FBN1: variants seen among roughly 807,000 people sequenced by gnomAD.
FBN1 encodes fibrillin-1.
A neutral mutation model predicts 365.1 loss-of-function variants in FBN1; 29 were observed. The observed-to-expected ratio is 0.08, with a 90% confidence interval of 0.06 to 0.11. The LOEUF (loss-of-function observed/expected upper bound fraction) is 0.11, where lower values mean the gene tolerates loss of function less well. FBN1 is among the 10% of genes least tolerant of loss of function. The pLI, the probability that FBN1 is intolerant of heterozygous loss-of-function variation, is 1.00. For synonymous variants in FBN1, 1,210 were observed against 1,270.5 expected, an observed-to-expected ratio of 0.95 and a Z score of 1.01; for missense variants, 2,476 against 3,703.2, an observed-to-expected ratio of 0.67 and a Z score of 8.60.
intron 7 of FBN1, among the ~76,000 whole-genome samples, 164 bp downstream of exon 7, chr15:48,537,447 T>C (rs911665509): frequency 6.6e-6 from 1 of 152,222 alleles, no homozygotes; most frequent in Non-Finnish European, 1.5e-5. Flanking sequence ...AGCTGCTCTC[T>C]CGAGAGCCAC....
intron 5 of FBN1, among the ~76,000 whole-genome samples, chr15:48,599,190 TAAC>T (rs1311456317): frequency 6.6e-6 from 1 of 152,192 alleles, no homozygotes; most frequent in Admixed American, 6.5e-5. Flanking sequence ...TTATTTATAA[TAAC>T]ATTATTAATC....
chr15:48,434,856 G>A, intron 53 of FBN1, 143 bp from the exon 54 acceptor site: 1 of 993,416 alleles, frequency 1.0e-6, no homozygotes, highest in Admixed American at 2.0e-5. Flanking sequence ...GCAGTGCTGT[G>A]GCGCGATTTC....
chr15:48,454,528 T>A (rs2043225270), intron 44 of FBN1, among the ~76,000 whole-genome samples: 1 of 152,208 alleles, frequency 6.6e-6, no homozygotes, highest in African/African-American at 2.4e-5. Flanking sequence ...TTACTACATG[T>A]CCATGCTATA....
chr15:48,456,555 G>A, intron 44 of FBN1, 82 bp downstream of exon 44: 2 of 1,348,658 alleles, frequency 1.5e-6, no homozygotes, highest in East Asian at 2.3e-5. Flanking sequence ...AAATTTCAAT[G>A]TTGTGAAATT....
In FBN1 at chr15:48,427,563, G is replaced by A. The variant is rs1181283112; in HGVS notation, c.7204+4C>T. Reference sequence around the variant, plus strand: ...CAAGTATTTTTGGACTATAAATGAAGTACCTGCTCCATTGGTCATGAATCC... The same window carrying A: ...CAAGTATTTTTGGACTATAAATGAAATACCTGCTCCATTGGTCATGAATCC... On this transcript the variant is annotated splice_donor_region_variant and intron_variant, in intron 58 of 65. Coordinates refer to ENST00000316623, the MANE Select transcript of FBN1 (RefSeq NM_000138.5). The A allele has an allele frequency of 6.2e-7, 1 of 1,612,940 alleles. No individual in the cohort carries two copies. The highest frequency in any genetic ancestry group is 8.5e-7 in the Non-Finnish European group (1 of 1,179,122).
chr15:48,434,148 G>A (rs754559738), intron 54 of FBN1, among the ~76,000 whole-genome samples: 5 of 152,168 alleles, frequency 3.3e-5, no homozygotes, highest in Non-Finnish European at 5.9e-5. Context: ...ACAGGCAACC[G>A]CTTTTGCTGT....
intron 24 of FBN1, 109 bp downstream of exon 24, chr15:48,492,352 G>T: frequency 9.3e-7 from 1 of 1,079,028 alleles, no homozygotes; most frequent in Non-Finnish European, 1.4e-6. Context: ...GCTGAATTTT[G>T]GAGTGTGTGT....
At chr15:48,492,846 G>A (rs567764089) in intron 23 of FBN1, among the ~76,000 whole-genome samples, 44 of 152,296 alleles carry the variant, frequency 2.9e-4, no homozygotes, top group African/African-American at 1.0e-3. Context: ...GCTGGTGTGA[G>A]TTCTTGGAGA....
chr15:48,420,603 A>G (rs1194875664), intron 63 of FBN1, 84 bp downstream of exon 63: 2 of 1,569,000 alleles, frequency 1.3e-6, no homozygotes, highest in Non-Finnish European at 1.8e-6. Flanking sequence ...TCAATAACAC[A>G]TTTACAGCTT....
At chr15:48,600,910 A>G (rs750391521) in intron 4 of FBN1, among the ~76,000 whole-genome samples, 40 of 152,366 alleles carry the variant, frequency 2.6e-4, no homozygotes, top group Non-Finnish European at 4.6e-4. Context: ...AATCCCAGGT[A>G]GATGGCACAG....
intron 24 of FBN1, 146 bp from the exon 25 acceptor site, chr15:48,490,224 A>T: frequency 1.3e-6 from 1 of 757,960 alleles, no homozygotes; most frequent in Non-Finnish European, 2.2e-6. Flanking sequence ...CTCAAAAAAA[A>T]CCCCAGGCTC....
At chr15:48,461,854 G>A (rs1214636537) in intron 42 of FBN1, among the ~76,000 whole-genome samples, 1 of 152,176 alleles carries the variant, frequency 6.6e-6, no homozygotes, top group Non-Finnish European at 1.5e-5. Flanking sequence ...TGAAGTTCAT[G>A]TAACTTTCAT....
In FBN1 at chr15:48,510,062, C is replaced by T; in HGVS notation, c.1696G>A (p.Asp566Asn). Residue 566 changes from aspartate (D) to asparagine (N), a missense_variant, in exon 14 of 66, where the codon GAT becomes AAT. Physicochemically the swap from Asp to Asn is conservative, Grantham distance 23. Transcript: ENST00000316623. ...VCNAGFHVTRDGKNCEDMDEC... is the reference protein window; with the variant it reads ...VCNAGFHVTRNGKNCEDMDEC... ...TTATTACCTTCACAGTTCTTCCCAT[C>T]TCGTGTAACATGAAAGCCCGCATTA... The T allele has an allele frequency of 6.2e-7, 1 of 1,613,376 alleles. No homozygotes were observed. The highest frequency in any genetic ancestry group is 8.5e-7 in the Non-Finnish European group (1 of 1,179,502).
chr15:48,529,140 AC>A (rs2043944257), intron 8 of FBN1: 1 of 152,178 alleles, frequency 6.6e-6, no homozygotes, highest in Admixed American at 6.5e-5. Flanking sequence ...ATGAAAGCAA[AC>A]CAGGTGGGGA....
intron 2 of FBN1, among the ~76,000 whole-genome samples, chr15:48,618,304 A>G (rs949347062): frequency 7.2e-5 from 11 of 152,234 alleles, no homozygotes; most frequent in African/African-American, 2.7e-4. Context: ...ATTGTGAACT[A>G]CACATCATGA....
intron 6 of FBN1, 140 bp downstream of exon 6, chr15:48,596,143 C>T (rs538382120): frequency 1.3e-6 from 1 of 762,320 alleles, no homozygotes; most frequent in African/African-American, 1.7e-5. Context: ...ATCCTAGGGA[C>T]CTTCCCAATG....
chr15:48,474,681 G>C (rs1210270397), intron 32 of FBN1, 31 bp from the exon 33 acceptor site: 3 of 1,613,836 alleles, frequency 1.9e-6, no homozygotes, highest in Admixed American at 1.7e-5. Flanking sequence ...TTAGAAAAAG[G>C]CTCAGCACAA....
chr15:48,587,523 C>T (rs1225900734), intron 6 of FBN1, among the ~76,000 whole-genome samples: 1 of 152,166 alleles, frequency 6.6e-6, no homozygotes, highest in East Asian at 1.9e-4. Flanking sequence ...CACAGAAGGG[C>T]TCCAGTACCA....
Position 48,451,498 on chromosome 15 carries a change from C to G in FBN1, c.5545+1064G>C, listed in dbSNP as rs544774563. Reference sequence around the variant, plus strand: ...GATTTTTTTGTTTGGCAATTACACCCTCTTCCCACCAAGGTCTCATAAAAC... The same window carrying G: ...GATTTTTTTGTTTGGCAATTACACCGTCTTCCCACCAAGGTCTCATAAAAC... On this transcript the variant is annotated intron_variant, in intron 45 of 65. Transcript: ENST00000316623. 2.6e-5 allele frequency among the ~76,000 whole-genome samples: 4 copies of G among 152,190 alleles called. No individual in the cohort carries two copies. In the South Asian group the frequency reaches 8.3e-4, roughly 32 times the overall value.
Sources: gnomAD v4.1 joint callset for allele counts (sites outside exome capture counted in the v4.1 genomes callset) on GRCh38, gnomAD v4.1.1 for gene constraint, MANE v1.5 for transcripts, NCBI Gene and HGNC (gene_info 2026-07-23, HGNC 2026-07-21) for gene names.